Variants in GNA14 observed in about 807,000 individuals in gnomAD.
The protein encoded by GNA14 is G protein subunit alpha 14.
Under a neutral mutation model 42.0 loss-of-function variants are expected in GNA14, and 50 were observed. The observed-to-expected ratio is 1.19, with a 90% CI of 0.95 to 1.51. The LOEUF is 1.51. Ranked by LOEUF, GNA14 falls within the 40% of genes most tolerant of loss-of-function variation. The probability of loss-of-function intolerance (pLI) is 0.00; values close to 1 mark genes in which losing one functional copy is unlikely to be tolerated. For synonymous variants in GNA14, 173 were observed against 163.1 expected, an observed-to-expected ratio of 1.06 and a Z score of -0.46; for missense variants, 473 against 446.2, an observed-to-expected ratio of 1.06 and a Z score of -0.54.
chr9:77,440,301 C>T (rs1388701276), intron 2 of GNA14, among the ~76,000 whole-genome samples: 1 of 152,206 alleles, frequency 6.6e-6, no homozygotes, highest in Non-Finnish European at 1.5e-5. Context: ...GGATCCGTGG[C>T]TGCCGGTGAC....
At chr9:77,460,450 T>C (rs1238473707) in intron 2 of GNA14, among the ~76,000 whole-genome samples, 1 of 152,228 alleles carries the variant, frequency 6.6e-6, no homozygotes, top group Non-Finnish European at 1.5e-5. Flanking sequence ...GCTGGCCTCC[T>C]GACCTCTGAG....
intron 1 of GNA14, among the ~76,000 whole-genome samples, chr9:77,597,313 T>C (rs992528948): frequency 2.9e-4 from 44 of 152,276 alleles, no homozygotes; most frequent in African/African-American, 9.6e-4. Flanking sequence ...GATGTTGCAT[T>C]TGTACCATGT....
At chr9:77,647,639 G>A in intron 1 of GNA14, 31 bp downstream of exon 1, 1 of 1,596,562 alleles carries the variant, frequency 6.3e-7, no homozygotes, top group East Asian at 2.3e-5. Context: ...AAAACGCCCG[G>A]CTCACTGGAG....
intron 2 of GNA14, among the ~76,000 whole-genome samples, chr9:77,521,628 G>A (rs547585090): frequency 6.6e-6 from 1 of 152,056 alleles, no homozygotes; most frequent in South Asian, 2.1e-4. Flanking sequence ...TTATCGAAGG[G>A]CTTTCTGGTG....
intron 1 of GNA14, among the ~76,000 whole-genome samples, chr9:77,583,318 G>A (rs756252677): frequency 6.6e-6 from 1 of 152,154 alleles, no homozygotes; most frequent in Non-Finnish European, 1.5e-5. Flanking sequence ...GGTCATGAGA[G>A]CTTCAGCTAA....
intron 5 of GNA14, among the ~76,000 whole-genome samples, chr9:77,428,071 CTTTTT>C (rs1182913068): frequency 1.5e-5 from 2 of 130,676 alleles, no homozygotes; most frequent in African/African-American, 5.9e-5. Context: ...GGCATTTTTT[CTTTTT>C]TTTTTTCTTT....
At chr9:77,560,231 ACTT>A (rs897126255) in intron 1 of GNA14, among the ~76,000 whole-genome samples, 1 of 151,916 alleles carries the variant, frequency 6.6e-6, no homozygotes, top group Non-Finnish European at 1.5e-5. Context: ...GAAATAAACT[ACTT>A]AAGACAAAAT....
chr9:77,543,486 CA>C (rs1837683839), intron 1 of GNA14, among the ~76,000 whole-genome samples: 1 of 152,202 alleles, frequency 6.6e-6, no homozygotes, highest in Non-Finnish European at 1.5e-5. Flanking sequence ...TGTAGCTGCT[CA>C]GGTCTCAGGA....
At chr9:77,459,225 G>A (rs1461860817) in intron 2 of GNA14, among the ~76,000 whole-genome samples, 1 of 147,248 alleles carries the variant, frequency 6.8e-6, no homozygotes, top group East Asian at 2.0e-4. Flanking sequence ...GACAGAGTGA[G>A]ACCCAGTCTC....
rs1564009426 is a variant in GNA14 at position 77,423,966 on chromosome 9, TG to T, written c.*12del. Reference sequence around the variant, plus strand: ...CACATCTTCTGTTATAGGGGAGGAGTGGGCAGCAGCTTTTAGACAAGGTTGA... The same window carrying T: ...CACATCTTCTGTTATAGGGGAGGAGTGGCAGCAGCTTTTAGACAAGGTTGA... On this transcript the variant is annotated 3_prime_UTR_variant, in exon 7 of 7. Transcript: ENST00000341700. The T allele has an allele frequency of 6.5e-7, 1 of 1,549,322 alleles. No homozygotes were observed.
intron 1 of GNA14, among the ~76,000 whole-genome samples, chr9:77,636,369 A>G (rs1824184986): frequency 6.6e-6 from 1 of 152,196 alleles, no homozygotes; most frequent in South Asian, 2.1e-4. Flanking sequence ...AAAAGCACAA[A>G]ATATTAGAAT....
At chr9:77,558,061 G>GA (rs1478632080) in intron 1 of GNA14, among the ~76,000 whole-genome samples, 1 of 152,114 alleles carries the variant, frequency 6.6e-6, no homozygotes, top group Non-Finnish European at 1.5e-5. Flanking sequence ...GCTTTCTGGG[G>GA]ATTCAGTTGG....
intron 2 of GNA14, among the ~76,000 whole-genome samples, chr9:77,518,466 G>A (rs763062568): frequency 6.6e-6 from 1 of 152,032 alleles, no homozygotes; most frequent in Non-Finnish European, 1.5e-5. Context: ...TACAGTGGGT[G>A]GGATCGGGAG....
At chr9:77,455,307 G>A (rs958559432) in intron 2 of GNA14, among the ~76,000 whole-genome samples, 1 of 152,188 alleles carries the variant, frequency 6.6e-6, no homozygotes, top group African/African-American at 2.4e-5. Flanking sequence ...GACTCTCCTT[G>A]AACTCTAGAT....
At position 77,625,100 on chromosome 9, in the gene GNA14, C is replaced by T. The variant is rs150637640; in HGVS notation, c.124+22570G>A. ...GCTGAAGAACACAGAACAAGAACTT[C>T]GTGAAGCATACACAAGTATCAATAG... On this transcript the variant is annotated intron_variant, in intron 1 of 6. Transcript: ENST00000341700. 4.1e-3 allele frequency among the ~76,000 whole-genome samples: 626 copies of T among 151,604 alleles called. 2 individuals carry two copies. Among genetic ancestry groups the T allele is most frequent in the African/African-American group, 0.014 (563 of 41,340 alleles).
At chr9:77,543,656 C>CT (rs1433231954) in intron 1 of GNA14, among the ~76,000 whole-genome samples, 1 of 152,308 alleles carries the variant, frequency 6.6e-6, no homozygotes, top group East Asian at 1.9e-4. Context: ...ACTCATTTAC[C>CT]TTTTCCCCAT....
At chr9:77,631,147 C>T (rs965715599) in intron 1 of GNA14, among the ~76,000 whole-genome samples, 6 of 152,176 alleles carry the variant, frequency 3.9e-5, no homozygotes, top group Non-Finnish European at 7.3e-5. Flanking sequence ...ATAGACCCTT[C>T]CTATCATGTT....
intron 1 of GNA14, among the ~76,000 whole-genome samples, chr9:77,619,062 T>C (rs564615397): frequency 1.3e-5 from 2 of 152,294 alleles, no homozygotes; most frequent in Non-Finnish European, 1.5e-5. Flanking sequence ...GCATCTCACA[T>C]TCTATTTCCA....
At chr9:77,615,702 T>TACACAC (rs59087574) in intron 1 of GNA14, among the ~76,000 whole-genome samples, 1,480 of 134,440 alleles carry the variant, frequency 0.011, 11 homozygotes, top group Non-Finnish European at 0.017. Context: ...GAAAATGAAA[T>TACACAC]ACACACACAC....
Sources: gnomAD v4.1 joint callset for allele counts (sites outside exome capture counted in the v4.1 genomes callset) on GRCh38, gnomAD v4.1.1 for gene constraint, MANE v1.5 for transcripts, NCBI Gene and HGNC (gene_info 2026-07-23, HGNC 2026-07-21) for gene names.